IKZF2: variants seen among roughly 807,000 people sequenced by gnomAD.
IKZF2 encodes the protein zinc finger protein Helios.
A neutral mutation model predicts 49.2 loss-of-function variants in IKZF2; 15 were observed. The observed-to-expected ratio is 0.30, with a 90% confidence interval of 0.20 to 0.47. The LOEUF (loss-of-function observed/expected upper bound fraction) is 0.47. IKZF2 is among the 20% of genes least tolerant of loss of function. The pLI is 1.00. For synonymous variants in IKZF2, 227 were observed against 221.4 expected, an observed-to-expected ratio of 1.03 and a Z score of -0.23; for missense variants, 567 against 664.6, an observed-to-expected ratio of 0.85 and a Z score of 1.61.
chr2:213,114,720 T>A (rs1308493224), intron 4 of IKZF2, among the ~76,000 whole-genome samples: 3 of 152,002 alleles, frequency 2.0e-5, no homozygotes, highest in Non-Finnish European at 4.4e-5. Context: ...GATCACGAGG[T>A]CAAGAGATCG....
rs781115534 is a variant in IKZF2 at position 213,049,846 on chromosome 2, A to G, written c.441T>C (p.Ala147=). 6.2e-7 allele frequency: 1 copy of G among 1,606,506 alleles called. No individual in the cohort carries two copies. Among genetic ancestry groups the G allele is most frequent in the Admixed American group, 1.7e-5 (1 of 59,480 alleles). Residue 147 remains alanine (A), a synonymous_variant, in exon 6 of 9, where the codon GCT becomes GCC. Coordinates refer to ENST00000434687, the MANE Select transcript of IKZF2 (RefSeq NM_001387220.1). ...ERPFHCNQCG[A]SFTQKGNLLR... The stretch of plus-strand genomic sequence containing the variant: ...GAAGGTTGCCCTTCTGAGTAAAAGA[A>G]GCTCCACACTGGTTACAGTGGAAGG...
intron 4 of IKZF2, among the ~76,000 whole-genome samples, chr2:213,133,663 G>A (rs867215990): frequency 1.2e-4 from 18 of 151,244 alleles, no homozygotes; most frequent in African/African-American, 3.7e-4. Context: ...TCGCACCACC[G>A]CACTCTAGCC....
rs543885875 is a variant in IKZF2 at position 213,073,631 on chromosome 2, C to T, written c.140-16532G>A. On this transcript the variant is annotated intron_variant, in intron 4 of 8. Coordinates refer to ENST00000434687, the MANE Select transcript of IKZF2 (RefSeq NM_001387220.1). ...TCCAAAATGTAAAGCATATATTAAA[C>T]AAATTAAATGAAAATCAGGGAAGTG... is the stretch of plus-strand genomic sequence containing the variant. 6.6e-5 allele frequency among the ~76,000 whole-genome samples: 10 copies of T among 152,150 alleles called. No individual in the cohort carries two copies. The South Asian group carries it at 1.9e-3, about 28-fold the overall frequency.
At chr2:213,150,587 A>AGAG (rs2061250432) in intron 1 of IKZF2, among the ~76,000 whole-genome samples, 1 of 151,180 alleles carries the variant, frequency 6.6e-6, no homozygotes, top group Admixed American at 6.6e-5. Flanking sequence ...GAGGAAAAAA[A>AGAG]AGAGAGAGAG....
At chr2:213,035,672 C>A (rs541677243) in intron 6 of IKZF2, among the ~76,000 whole-genome samples, 1 of 152,196 alleles carries the variant, frequency 6.6e-6, no homozygotes, top group South Asian at 2.1e-4. Flanking sequence ...AATAAAGAAA[C>A]CTCGGGTTGC....
chr2:213,143,542 C>A (rs1559329585), intron 4 of IKZF2, among the ~76,000 whole-genome samples: 1 of 151,508 alleles, frequency 6.6e-6, no homozygotes, highest in Non-Finnish European at 1.5e-5. Context: ...GAAATTAAAT[C>A]AGAACTATTT....
At chr2:213,146,018 A>G (rs1465767473) in intron 4 of IKZF2, among the ~76,000 whole-genome samples, 2 of 152,232 alleles carry the variant, frequency 1.3e-5, no homozygotes, top group Admixed American at 1.3e-4. Context: ...AATCAAATTC[A>G]GAAATAAAGC....
intron 8 of IKZF2, among the ~76,000 whole-genome samples, chr2:213,011,572 C>T (rs950607967): frequency 6.6e-6 from 1 of 151,872 alleles, no homozygotes; most frequent in Non-Finnish European, 1.5e-5. Context: ...TCAGTTCCAG[C>T]GATTTTATCC....
rs1695012258 is a variant in IKZF2 at position 213,002,702 on chromosome 2, T to C, written c.*4658A>G. On this transcript the variant is annotated 3_prime_UTR_variant, in exon 9 of 9. Transcript: ENST00000434687. ...TTTTGCTTTGTTCAAGGAGAATTAATTACCTGCTTTTTCACATTATTCCAT... is the reference window on the plus strand; with the variant it reads ...TTTTGCTTTGTTCAAGGAGAATTAACTACCTGCTTTTTCACATTATTCCAT... 6.6e-6 allele frequency: 1 copy of C among 151,978 alleles called. No individual in the cohort carries two copies. Among genetic ancestry groups the C allele is most frequent in the Non-Finnish European group, 1.5e-5 (1 of 67,558 alleles). The allele number at this position is 151,978 out of a possible 1,614,324, so 9.4% of individuals were successfully genotyped here. A position where few individuals can be genotyped will look rare whatever the true frequency, so the allele number is the denominator to read the frequency against.
intron 4 of IKZF2, among the ~76,000 whole-genome samples, chr2:213,121,981 A>G (rs1217810241): frequency 6.6e-6 from 1 of 152,200 alleles, no homozygotes; most frequent in Non-Finnish European, 1.5e-5. Flanking sequence ...GAGTGTAATA[A>G]AATACAGTGT....
rs117459647 is a variant in IKZF2 at position 213,115,752 on chromosome 2, C to T, written c.139+31956G>A. 5.9e-5 allele frequency among the ~76,000 whole-genome samples: 9 copies of T among 152,262 alleles called. No individual in the cohort carries two copies. In the South Asian group the frequency reaches 1.5e-3, roughly 25 times the overall value. ...AATTGGTATTAGACCAAGTTTTTCC[C>T]GTCAAAACCAAAAGACAATGGAAAT... On this transcript the variant is annotated intron_variant, in intron 4 of 8. Transcript: ENST00000434687.
intron 3 of IKZF2, among the ~76,000 whole-genome samples, chr2:213,148,296 A>G (rs977842708): frequency 1.3e-5 from 2 of 152,226 alleles, no homozygotes; most frequent in African/African-American, 4.8e-5. Flanking sequence ...ATTAATAGAC[A>G]TATATGAAAC....
In IKZF2 at chr2:213,003,034, C is replaced by T. The variant is rs1443948127; in HGVS notation, c.*4326G>A. 6.6e-6 allele frequency: 1 copy of T among 151,884 alleles called. No individual in the cohort carries two copies. Among genetic ancestry groups the T allele is most frequent in the African/African-American group, 2.4e-5 (1 of 41,350 alleles). The allele number at this position is 151,884 out of a possible 1,614,324, so 9.4% of individuals were successfully genotyped here. A position where few individuals can be genotyped will look rare whatever the true frequency, so the allele number is the denominator to read the frequency against. On this transcript the variant is annotated 3_prime_UTR_variant, in exon 9 of 9. Transcript: ENST00000434687. ...TTTCAAAGTTTCCTTTTCCTTTTAACAGCTGAGCTGAAAATTTCTCTATTA... is the reference window on the plus strand; with the variant it reads ...TTTCAAAGTTTCCTTTTCCTTTTAATAGCTGAGCTGAAAATTTCTCTATTA...
intron 4 of IKZF2, among the ~76,000 whole-genome samples, chr2:213,071,923 C>A (rs1702748298): frequency 6.6e-6 from 1 of 151,992 alleles, no homozygotes; most frequent in African/African-American, 2.4e-5. Context: ...CACACACATA[C>A]ACACACACAA....
At chr2:213,062,387 G>A (rs6749864) in intron 4 of IKZF2, among the ~76,000 whole-genome samples, 150,606 of 151,800 alleles carry the variant, frequency 0.99, 74,720 homozygotes, top group Middle Eastern at 1. Context: ...TTAAAGTGAT[G>A]TATTTATTGA....
chr2:213,094,525 T>A (rs568606858), intron 4 of IKZF2, among the ~76,000 whole-genome samples: 2 of 152,060 alleles, frequency 1.3e-5, no homozygotes, highest in East Asian at 1.9e-4. Context: ...CCCCCTAGCC[T>A]GGGAGAGAAC....
intron 4 of IKZF2, among the ~76,000 whole-genome samples, chr2:213,066,918 C>G (rs1702217895): frequency 6.6e-6 from 1 of 152,090 alleles, no homozygotes. Flanking sequence ...CACTTGCTAG[C>G]TCCCTGCTTC....
intron 4 of IKZF2, among the ~76,000 whole-genome samples, chr2:213,115,290 G>A (rs1229908672): frequency 1.1e-4 from 17 of 152,156 alleles, no homozygotes; most frequent in Admixed American, 1.1e-3. Context: ...TTTGAGGTAT[G>A]AGGAAGGAAA....
intron 6 of IKZF2, among the ~76,000 whole-genome samples, chr2:213,045,545 T>G (rs982093318): frequency 1.3e-5 from 2 of 152,196 alleles, no homozygotes; most frequent in African/African-American, 4.8e-5. Flanking sequence ...AACATCAAGC[T>G]GGAATATTAT....
Sources: allele counts gnomAD v4.1 joint callset (sites outside exome capture counted in the v4.1 genomes callset), GRCh38; gene constraint gnomAD v4.1.1; transcripts MANE v1.5; gene names NCBI Gene and HGNC (gene_info 2026-07-23, HGNC 2026-07-21).